Variants in GNG12 observed in about 807,000 individuals in gnomAD.
GNG12 encodes the protein G protein subunit gamma 12.
For synonymous variants in GNG12, 28 were observed against 29.7 expected (o/e 0.94, Z 0.19); for missense variants, 69 against 83.8 (o/e 0.82, Z 0.69).
rs377242406 is a variant in GNG12, at chr1:67,706,314, C to T, written c.94-738G>A. On this transcript the variant is annotated intron_variant, in intron 3 of 3. Transcript: ENST00000370982. ...TGCAGAACACACTTTAAGAACTGAA[C>T]GATGGGCTCGGAGCCAAAACTCTGG... 1.4e-3 allele frequency among the ~76,000 whole-genome samples: 215 copies of T among 152,306 alleles called. 1 individual carries two copies. Among genetic ancestry groups the T allele is most frequent in the East Asian group, 7.7e-4 (4 of 5,190 alleles).
At chr1:67,710,439 A>G (rs1035868147) in intron 2 of GNG12, among the ~76,000 whole-genome samples, 6 of 151,322 alleles carry the variant, frequency 4.0e-5, no homozygotes, top group Non-Finnish European at 7.4e-5. Context: ...CCCAATCTCC[A>G]GGGCATAAAG....
intron 1 of GNG12, among the ~76,000 whole-genome samples, chr1:67,819,272 A>G (rs532651744): frequency 6.6e-6 from 1 of 152,292 alleles, no homozygotes; most frequent in East Asian, 1.9e-4. Flanking sequence ...AATGTCTTAC[A>G]GAAAACAGGC....
chr1:67,733,230 C>G (rs1646431170), intron 2 of GNG12, among the ~76,000 whole-genome samples: 1 of 152,110 alleles, frequency 6.6e-6, no homozygotes. Context: ...ATTTTTGGAG[C>G]TGGTTTGGGG....
intron 1 of GNG12, among the ~76,000 whole-genome samples, chr1:67,814,439 T>A (rs188291686): frequency 8.5e-5 from 13 of 152,318 alleles, no homozygotes; most frequent in South Asian, 2.1e-4. Flanking sequence ...ACCTATTAAT[T>A]CCTTGCTTAA....
chr1:67,763,377 T>A (rs779376469), intron 2 of GNG12, among the ~76,000 whole-genome samples: 28 of 152,224 alleles, frequency 1.8e-4, no homozygotes, highest in Non-Finnish European at 3.4e-4. Context: ...GCATGCTTCC[T>A]GAGTATGTCT....
At chr1:67,712,311 C>A (rs1646300129) in intron 2 of GNG12, among the ~76,000 whole-genome samples, 1 of 152,204 alleles carries the variant, frequency 6.6e-6, no homozygotes, top group Admixed American at 6.5e-5. Flanking sequence ...ATGTTGCTTG[C>A]ATATGCATTA....
At chr1:67,753,322 G>T (rs529856300) in intron 2 of GNG12, among the ~76,000 whole-genome samples, 1 of 151,038 alleles carries the variant, frequency 6.6e-6, no homozygotes, top group African/African-American at 2.4e-5. Context: ...TGCTCAACTG[G>T]TAAGTATATA....
At chr1:67,754,426 C>T (rs890108653) in intron 2 of GNG12, among the ~76,000 whole-genome samples, 13 of 152,182 alleles carry the variant, frequency 8.5e-5, no homozygotes, top group Admixed American at 8.5e-4. Flanking sequence ...CTCCACCACA[C>T]CCCTTCTTCT....
intron 1 of GNG12, among the ~76,000 whole-genome samples, chr1:67,786,902 A>C: frequency 6.9e-6 from 1 of 144,166 alleles, no homozygotes; most frequent in Non-Finnish European, 1.5e-5. Flanking sequence ...GAGCCACTGC[A>C]CTCCAGCCTA....
intron 2 of GNG12, among the ~76,000 whole-genome samples, chr1:67,714,983 C>T (rs1010755557): frequency 2.0e-5 from 3 of 152,190 alleles, no homozygotes; most frequent in African/African-American, 4.8e-5. Flanking sequence ...AGTGCAGTGG[C>T]GCGATCTCGG....
intron 2 of GNG12, among the ~76,000 whole-genome samples, chr1:67,752,923 C>T (rs555299827): frequency 6.6e-6 from 1 of 152,278 alleles, no homozygotes; most frequent in African/African-American, 2.4e-5. Flanking sequence ...AAAGGTGGCT[C>T]GAATCTGACC....
intron 2 of GNG12, among the ~76,000 whole-genome samples, chr1:67,765,613 A>C (rs1181969777): frequency 1.3e-5 from 2 of 152,246 alleles, no homozygotes; most frequent in East Asian, 3.8e-4. Context: ...TTCAACCCTT[A>C]TTCTTCTGCC....
At chr1:67,737,629 A>G (rs1646459786) in intron 2 of GNG12, among the ~76,000 whole-genome samples, 3 of 151,288 alleles carry the variant, frequency 2.0e-5, no homozygotes, top group South Asian at 2.1e-4. Context: ...TTTTAAATGT[A>G]TAAGCACTAG....
chr1:67,777,733 G>A (rs1362226833), intron 1 of GNG12, among the ~76,000 whole-genome samples: 2 of 152,122 alleles, frequency 1.3e-5, no homozygotes, highest in Non-Finnish European at 2.9e-5. Flanking sequence ...TTCAAAGTCT[G>A]AGGCCAGCGT....
rs545164495 is a variant in GNG12, at chr1:67,717,366, A to G, written c.-26-9654T>C. ...CCTGTCTCTACTAAAAAAAGGAAAA[A>G]TCAGCCGGGCGTGGTGGTGCATGCC... On this transcript the variant is annotated intron_variant, in intron 2 of 3. Transcript: ENST00000370982. Among the ~76,000 whole-genome samples, 127 of 152,068 alleles carry G rather than the reference A, an allele frequency of 8.4e-4. 1 individual carries two copies. The highest frequency in any genetic ancestry group is 3.0e-3 in the African/African-American group (123 of 41,502).
At chr1:67,740,360 G>T (rs1646476217) in intron 2 of GNG12, among the ~76,000 whole-genome samples, 1 of 152,226 alleles carries the variant, frequency 6.6e-6, no homozygotes, top group Non-Finnish European at 1.5e-5. Context: ...CAGCCAGTGG[G>T]CCAAATCCAG....
At chr1:67,766,106 G>GCACGCA (rs1553157552) in intron 2 of GNG12, among the ~76,000 whole-genome samples, 39 of 139,836 alleles carry the variant, frequency 2.8e-4, no homozygotes, top group African/African-American at 1.0e-3. Flanking sequence ...AGGCACACAC[G>GCACGCA]CACACACACA....
intron 1 of GNG12, among the ~76,000 whole-genome samples, chr1:67,786,933 ATATGTGTGTGTGTGTGTGTGTGTG>A (rs1646771370): frequency 1.9e-5 from 1 of 52,102 alleles, no homozygotes; most frequent in African/African-American, 6.1e-5. Flanking sequence ...ACTTATATAT[ATATGTGTGTGTGTGTGTGTGTGTG>A]TGTGTGTGTG....
At chr1:67,737,621 T>G (rs956876609) in intron 2 of GNG12, among the ~76,000 whole-genome samples, 7 of 151,974 alleles carry the variant, frequency 4.6e-5, no homozygotes, top group African/African-American at 1.7e-4. Context: ...TTTTTTTTTT[T>G]TAAATGTATA....
Sources: allele counts gnomAD v4.1 joint callset (sites outside exome capture counted in the v4.1 genomes callset), GRCh38; gene constraint gnomAD v4.1.1; transcripts MANE v1.5; gene names NCBI Gene and HGNC (gene_info 2026-07-23, HGNC 2026-07-21).